Variants in PJVK observed in about 807,000 individuals in gnomAD.
The protein encoded by PJVK is autosomal recessive deafness type 59 protein.
In PJVK, 33 loss-of-function variants were observed where a neutral mutation model predicts 37.6. That is an observed-to-expected ratio of 0.88 (90% CI 0.67 to 1.17). The LOEUF (loss-of-function observed/expected upper bound fraction) is 1.17. Among genes scored for constraint, PJVK ranks in the 50% most tolerant of loss-of-function variants. The pLI is 0.00. For missense variants in PJVK, 410 were observed against 413.8 expected, an observed-to-expected ratio of 0.99 and a Z score of 0.08; for synonymous variants, 141 against 143.5, an observed-to-expected ratio of 0.98 and a Z score of 0.13.
At position 178,454,664 on chromosome 2, in the gene PJVK, G is replaced by A. The variant is rs6753709; in HGVS notation, c.407+137G>A. Reference sequence around the variant, plus strand: ...TTGCTAGATATGTTTGAAATACATTGGTAGTATATCCAAACTTTGAATAAG... The same window carrying A: ...TTGCTAGATATGTTTGAAATACATTAGTAGTATATCCAAACTTTGAATAAG... On this transcript the variant is annotated intron_variant, in intron 3 of 6. Transcript: ENST00000644580. 326,809 of 1,406,278 alleles carry A rather than the reference G, an allele frequency of 0.23. 45,948 individuals are homozygous for A. Among genetic ancestry groups the A allele is most frequent in the East Asian group, 0.65 (26,353 of 40,250 alleles). 87.1% of individuals were successfully genotyped at this position (1,406,278 alleles called of 1,614,324 possible). A position where few individuals can be genotyped will look rare whatever the true frequency, so the allele number is the denominator to read the frequency against.
rs905131494 is a variant in PJVK at position 178,452,184 on chromosome 2, T to A, written c.-23+415T>A. On this transcript the variant is annotated intron_variant, in intron 1 of 6. Coordinates refer to ENST00000644580, the MANE Select transcript of PJVK (RefSeq NM_001042702.5). ...GGCATGCGCCTGTAATCCCAGCTAC[T>A]CGGGAGGCTAAAGCAGGAGAATCGC... is the stretch of plus-strand genomic sequence containing the variant. The A allele has an allele frequency of 5.1e-6, 3 of 584,872 alleles. No individual in the cohort carries two copies. In the African/African-American group the frequency reaches 6.1e-5, roughly 12 times the overall value. The allele number at this position is 584,872 out of a possible 1,614,324, so 36.2% of individuals were successfully genotyped here.
At chr2:178,451,885 G>A in intron 1 of PJVK, 116 bp downstream of exon 1, 3 of 979,712 alleles carry the variant, frequency 3.1e-6, no homozygotes, top group Non-Finnish European at 3.6e-6. Flanking sequence ...GCCATTAGAT[G>A]ACGTGTCGCT....
In PJVK at chr2:178,453,369, A is replaced by G. The variant is rs1277683282; in HGVS notation, c.-22-19A>G. 1 of 1,608,458 alleles carries G rather than the reference A, an allele frequency of 6.2e-7. No homozygotes were observed. The highest frequency in any genetic ancestry group is 8.5e-7 in the Non-Finnish European group (1 of 1,175,376). ...GCCTGATTTTCCTCTTTAAAAATGG[A>G]TTTATCTGGGGGTTGCAGTTGATGA... On this transcript the variant is annotated intron_variant, in intron 1 of 6. Transcript: ENST00000644580.
rs1249886449 is a variant in PJVK at position 178,460,968 on chromosome 2, T to G, written c.767-14T>G. 1 of 1,612,692 alleles carries G rather than the reference T, an allele frequency of 6.2e-7. No individual in the cohort carries two copies. Among genetic ancestry groups the G allele is most frequent in the African/African-American group, 1.3e-5 (1 of 74,930 alleles). On this transcript the variant is annotated splice_polypyrimidine_tract_variant and intron_variant, in intron 6 of 6. Coordinates refer to ENST00000644580, the MANE Select transcript of PJVK (RefSeq NM_001042702.5). ...CACTTCTAACACATTTCTTTTCTGT[T>G]TTTGTCCTTTTAGATAGAAGAGTGA...
At chr2:178,454,969 C>T (rs1315081500) in intron 3 of PJVK, 14 of 943,376 alleles carry the variant, frequency 1.5e-5, no homozygotes, top group Non-Finnish European at 2.3e-5. Flanking sequence ...AAGACCCTGT[C>T]GGAGCTGGAC....
rs79039603 is a variant in PJVK at position 178,460,477 on chromosome 2, T to C, written c.766+31T>C. The C allele has an allele frequency of 3.2e-3, 4,247 of 1,335,702 alleles. 98 individuals are homozygous for C. In the African/African-American group the frequency reaches 0.055, roughly 17 times the overall value. The allele number at this position is 1,335,702 out of a possible 1,614,324, so 82.7% of individuals were successfully genotyped here. A position where few individuals can be genotyped will look rare whatever the true frequency, so the allele number is the denominator to read the frequency against. On this transcript the variant is annotated intron_variant, in intron 6 of 6. Transcript: ENST00000644580. Reference sequence around the variant, plus strand: ...TTTATTGAAGAGTACTGTGAATGTCTTTTTTTTTTCTTTCCTGGCTTAACA... The same window carrying C: ...TTTATTGAAGAGTACTGTGAATGTCCTTTTTTTTTCTTTCCTGGCTTAACA...
intron 1 of PJVK, chr2:178,452,339 T>A: frequency 1.0e-6 from 1 of 984,320 alleles, no homozygotes; most frequent in Non-Finnish European, 1.2e-6. Context: ...TGTTAGCATG[T>A]AAGCCCTGGA....
At chr2:178,452,371 G>A in intron 1 of PJVK, 8 of 982,734 alleles carry the variant, frequency 8.1e-6, no homozygotes, top group Non-Finnish European at 9.6e-6. Flanking sequence ...AGTGAAAGAT[G>A]TTCAGAATCT....
chr2:178,454,101 TAAG>T (rs2154125907), intron 2 of PJVK: 1 of 427,894 alleles, frequency 2.3e-6, no homozygotes, highest in African/African-American at 2.1e-5. Flanking sequence ...TCTTGATGCT[TAAG>T]AAGTTCTGTT....
intron 6 of PJVK, 109 bp from the exon 7 acceptor site, chr2:178,460,871 AAG>A: frequency 3.5e-5 from 35 of 1,001,408 alleles, no homozygotes; most frequent in Admixed American, 1.5e-4. Flanking sequence ...AAAAAAAAAA[AAG>A]CCAAATTATT....
chr2:178,461,797 C>G lies in PJVK; in HGVS notation c.*523C>G, dbSNP rs911827332. Among the ~76,000 whole-genome samples the G allele has an allele frequency of 6.6e-6, 1 of 152,094 alleles. No individual in the cohort carries two copies. The highest frequency in any genetic ancestry group is 2.4e-5 in the African/African-American group (1 of 41,420). On this transcript the variant is annotated 3_prime_UTR_variant, in exon 7 of 7. Coordinates refer to ENST00000644580, the MANE Select transcript of PJVK (RefSeq NM_001042702.5). ...ACAGAGTTTTACCATCTTGGCCAGGCTGATCTTGAACTCCTGACCTTGTGA... is the reference window on the plus strand; with the variant it reads ...ACAGAGTTTTACCATCTTGGCCAGGGTGATCTTGAACTCCTGACCTTGTGA...
At position 178,461,857 on chromosome 2, in the gene PJVK, A is replaced by G. The variant is rs552147897; in HGVS notation, c.*583A>G. The stretch of plus-strand genomic sequence containing the variant: ...CTCGGCCTCCCAAAGTGCTGGGATT[A>G]CAGGCATGGGCCACCGTGCCTGGCC... On this transcript the variant is annotated 3_prime_UTR_variant, in exon 7 of 7. Coordinates refer to ENST00000644580, the MANE Select transcript of PJVK (RefSeq NM_001042702.5). Among the ~76,000 whole-genome samples the G allele has an allele frequency of 4.7e-4, 72 of 152,314 alleles. No homozygotes were observed. Among genetic ancestry groups the G allele is most frequent in the Middle Eastern group, 3.4e-3 (1 of 294 alleles).
At chr2:178,459,065 A>G (rs978612052) in intron 5 of PJVK, 6 of 442,832 alleles carry the variant, frequency 1.4e-5, no homozygotes, top group South Asian at 3.3e-5. Flanking sequence ...AGTTTTACTT[A>G]TCATAGACCC....
At chr2:178,451,966 G>A in intron 1 of PJVK, 197 bp downstream of exon 1, 1 of 550,494 alleles carries the variant, frequency 1.8e-6, no homozygotes, top group Non-Finnish European at 2.3e-6. Context: ...AAGATTGCTT[G>A]CACAATGCTA....
Position 178,456,054 on chromosome 2 carries a change from G to T in PJVK, c.452G>T (p.Ser151Ile). 1 of 1,614,198 alleles carries T rather than the reference G, an allele frequency of 6.2e-7. No homozygotes were observed. The highest frequency in any genetic ancestry group is 8.5e-7 in the Non-Finnish European group (1 of 1,180,036). The change falls in exon 4 of 7, where the codon AGC becomes ATC. Residue 151 changes from serine to isoleucine, a missense_variant. By Grantham distance (142) the Ser-to-Ile change is moderately radical (BLOSUM62 -2). Coordinates refer to ENST00000644580, the MANE Select transcript of PJVK (RefSeq NM_001042702.5). ...AGCTTGATACGTCAGTCAAGGAGCA[G>T]CAGAAAGGCAGTATTGTGTGTGGTC... ...DHSLIRQSRSSRKAVLCVVME... is the reference protein window; with the variant it reads ...DHSLIRQSRSIRKAVLCVVME...
At position 178,461,009 on chromosome 2, in the gene PJVK, G is replaced by A. The variant is rs199841343; in HGVS notation, c.794G>A (p.Arg265His). Residue 265 changes from arginine (R) to histidine (H), a missense_variant, in exon 7 of 7, where the codon CGT (arginine) becomes CAT (histidine). Arg to His is a conservative substitution (Grantham distance 29). Transcript: ENST00000644580. ...AGAAGAGTGATGGATGTCATTTCTC[G>A]TTCACAGCTTTACTTGGATGATCTT... ...RNRRVMDVIS[R>H]SQLYLDDLFS... 535 of 1,613,722 alleles carry A rather than the reference G, an allele frequency of 3.3e-4. 1 individual carries two copies. The highest frequency in any genetic ancestry group is 6.6e-4 in the Middle Eastern group (4 of 6,062).
Position 178,461,394 on chromosome 2 carries a change from A to C in PJVK, c.*120A>C. 8.7e-7 allele frequency: 1 copy of C among 1,152,550 alleles called. No homozygotes were observed. The highest frequency in any genetic ancestry group is 1.3e-5 in the South Asian group (1 of 75,510). 71.4% of individuals were successfully genotyped at this position (1,152,550 alleles called of 1,614,324 possible). On this transcript the variant is annotated 3_prime_UTR_variant, in exon 7 of 7. Coordinates refer to ENST00000644580, the MANE Select transcript of PJVK (RefSeq NM_001042702.5). ...AAATGAGAAAAGCAAAAAGAAATTAACCTGTCTGGGTATCATATTCCCTAT... is the reference window on the plus strand; with the variant it reads ...AAATGAGAAAAGCAAAAAGAAATTACCCTGTCTGGGTATCATATTCCCTAT...
At chr2:178,457,081 G>A (rs2154126115) in intron 4 of PJVK, among the ~76,000 whole-genome samples, 1 of 152,088 alleles carries the variant, frequency 6.6e-6, no homozygotes. Context: ...CCATTCTTCT[G>A]CCTCAGCCTC....
Position 178,461,520 on chromosome 2 carries a change from G to T in PJVK, c.*246G>T. ...AAAAGATTTACATATAAAATTCAGAGATTATGAATCATGCCAGTCACTTTA... is the reference window on the plus strand; with the variant it reads ...AAAAGATTTACATATAAAATTCAGATATTATGAATCATGCCAGTCACTTTA... On this transcript the variant is annotated 3_prime_UTR_variant, in exon 7 of 7. Coordinates refer to ENST00000644580, the MANE Select transcript of PJVK (RefSeq NM_001042702.5). The T allele has an allele frequency of 2.5e-6, 1 of 405,344 alleles. No individual in the cohort carries two copies. 25.1% of individuals were successfully genotyped at this position (405,344 alleles called of 1,614,324 possible).
Sources: allele counts gnomAD v4.1 joint callset (sites outside exome capture counted in the v4.1 genomes callset), GRCh38; gene constraint gnomAD v4.1.1; transcripts MANE v1.5; gene names NCBI Gene and HGNC (gene_info 2026-07-23, HGNC 2026-07-21).